BRAF: variants seen among roughly 807,000 people sequenced by gnomAD.
BRAF encodes the protein serine/threonine-protein kinase B-raf.
A neutral mutation model predicts 104.6 loss-of-function variants in BRAF; 16 were observed. The observed-to-expected ratio is 0.15, with a 90% confidence interval of 0.10 to 0.23. BRAF has a LOEUF of 0.23. Among genes scored for constraint, BRAF ranks in the 10% least tolerant of loss-of-function variants. BRAF has a pLI of 1.00. For missense variants in BRAF, 541 were observed against 937.3 expected, an observed-to-expected ratio of 0.58 and a Z score of 5.52; for synonymous variants, 310 against 341.6, an observed-to-expected ratio of 0.91 and a Z score of 1.02.
At chr7:140,728,375 C>T (rs567501836) in intron 19 of BRAF, among the ~76,000 whole-genome samples, 66 of 152,210 alleles carry the variant, frequency 4.3e-4, no homozygotes, top group African/African-American at 1.5e-3. Flanking sequence ...CTTTGTTTTC[C>T]CAATCTGAAT....
At chr7:140,900,756 G>A (rs1046311033) in intron 1 of BRAF, among the ~76,000 whole-genome samples, 2 of 152,144 alleles carry the variant, frequency 1.3e-5, no homozygotes, top group East Asian at 1.9e-4. Context: ...GATTACAGGC[G>A]TGCACCATCA....
intron 16 of BRAF, among the ~76,000 whole-genome samples, chr7:140,752,225 G>C (rs1010984648): frequency 2.0e-5 from 3 of 152,082 alleles, no homozygotes; most frequent in Non-Finnish European, 4.4e-5. Context: ...TTTAGAGATG[G>C]GGTCTCACTA....
rs367802462 is a variant in BRAF at position 140,788,939 on chromosome 7, G to A, written c.1141-1355C>T. The stretch of plus-strand genomic sequence containing the variant: ...ATATAGCTCTTTATGCGCCGGGTGC[G>A]GTGGCTCAAGCCTGTAATACCAGCA... On this transcript the variant is annotated intron_variant, in intron 8 of 19. Transcript: ENST00000644969. Among the ~76,000 whole-genome samples, 17 of 151,816 alleles carry A rather than the reference G, an allele frequency of 1.1e-4. No homozygotes were observed. In the South Asian group the frequency reaches 1.5e-3, roughly 13 times the overall value.
intron 7 of BRAF, chr7:140,799,915 G>C: frequency 4.9e-5 from 15 of 306,372 alleles, no homozygotes; most frequent in Admixed American, 9.4e-5. Context: ...TCTGTTGCAT[G>C]ATTTTTTCAG....
chr7:140,777,851 A>T, intron 13 of BRAF, 140 bp downstream of exon 12: 4 of 875,728 alleles, frequency 4.6e-6, no homozygotes, highest in African/African-American at 1.7e-5. Flanking sequence ...TAAAGACAAA[A>T]ATATACTCAG....
intron 19 of BRAF, chr7:140,732,211 A>AAAAAAAAAAAAT (rs1796033081): frequency 8.3e-6 from 1 of 119,878 alleles, no homozygotes; most frequent in Non-Finnish European, 1.6e-5. Context: ...AAAAAAAAAA[A>AAAAAAAAAAAAT]GGAAATCAAC....
intron 1 of BRAF, among the ~76,000 whole-genome samples, chr7:140,902,920 CT>C (rs111746402): frequency 0.02 from 2,525 of 125,500 alleles, 49 homozygotes; most frequent in African/African-American, 0.068. Context: ...GACAGGATGA[CT>C]TTTTTTTTTT....
chr7:140,789,211 A>G (rs947907070), intron 8 of BRAF, among the ~76,000 whole-genome samples: 18 of 146,798 alleles, frequency 1.2e-4, no homozygotes, highest in East Asian at 4.0e-4. Flanking sequence ...TCCATCACAG[A>G]AAAAAAACAA....
intron 1 of BRAF, among the ~76,000 whole-genome samples, chr7:140,919,683 T>C (rs1044909720): frequency 6.6e-6 from 1 of 152,072 alleles, no homozygotes; most frequent in African/African-American, 2.4e-5. Flanking sequence ...ATGGAACAAA[T>C]GAGGCTATAT....
chr7:140,888,823 A>G (rs1242671526), intron 1 of BRAF, among the ~76,000 whole-genome samples: 1 of 150,308 alleles, frequency 6.7e-6, no homozygotes, highest in African/African-American at 2.5e-5. Context: ...CAACAAAAGC[A>G]AAACTCCGTC....
intron 14 of BRAF, among the ~76,000 whole-genome samples, chr7:140,759,630 T>C (rs1281082789): frequency 6.6e-6 from 1 of 152,184 alleles, no homozygotes; most frequent in African/African-American, 2.4e-5. Flanking sequence ...AAGTGATCCA[T>C]CTGCCTTGGC....
chr7:140,765,801 C>T (rs1243460010), intron 14 of BRAF, among the ~76,000 whole-genome samples: 1 of 151,912 alleles, frequency 6.6e-6, no homozygotes, highest in East Asian at 1.9e-4. Context: ...CAGGAAACAA[C>T]AGGTGCTGGA....
chr7:140,734,304 T>C, intron 19 of BRAF: 2 of 1,245,658 alleles, frequency 1.6e-6, no homozygotes, highest in Non-Finnish European at 2.0e-6. Context: ...AGTTTACTAC[T>C]TAAAATAACC....
chr7:140,809,379 A>AC (rs1332331209), intron 3 of BRAF, among the ~76,000 whole-genome samples: 2 of 152,190 alleles, frequency 1.3e-5, no homozygotes, highest in Non-Finnish European at 2.9e-5. Context: ...AAACTGTATA[A>AC]CCCTTCAATC....
intron 14 of BRAF, among the ~76,000 whole-genome samples, chr7:140,759,737 G>T (rs1336387793): frequency 6.6e-6 from 1 of 152,186 alleles, no homozygotes; most frequent in Non-Finnish European, 1.5e-5. Context: ...ACCAAAGAAG[G>T]AGAGGAGGAA....
rs59987643 is a variant in BRAF, at chr7:140,732,376, C to T, written c.2401+2241G>A. On this transcript the variant is annotated intron_variant, in intron 19 of 19. Coordinates refer to ENST00000644969, the MANE Select transcript of BRAF (RefSeq NM_001374258.1). ...TTTTATTTGGAGAATATATTTAAAA[C>T]TCAGTATAAAACAAAACCCAAGAAC... 249 of 151,798 alleles carry T rather than the reference C, an allele frequency of 1.6e-3. 2 individuals carry two copies. The highest frequency in any genetic ancestry group is 5.8e-3 in the African/African-American group (241 of 41,454). 9.4% of individuals were successfully genotyped at this position (151,798 alleles called of 1,614,324 possible).
Position 140,864,631 on chromosome 7 carries a change from G to C in BRAF, c.139-14419C>G, listed in dbSNP as rs141648883. On this transcript the variant is annotated intron_variant, in intron 1 of 19. Coordinates refer to ENST00000644969, the MANE Select transcript of BRAF (RefSeq NM_001374258.1). ...AAAGAAAGAAACAGACACTGAGGTA[G>C]AAGGAAAAAATATTCAGTTAAGAAA... Among the ~76,000 whole-genome samples, 346 of 152,254 alleles carry C rather than the reference G, an allele frequency of 2.3e-3. 1 individual carries two copies. The highest frequency in any genetic ancestry group is 7.6e-3 in the African/African-American group (315 of 41,558).
At chr7:140,771,046 T>A (rs776034922) in intron 14 of BRAF, among the ~76,000 whole-genome samples, 1 of 152,056 alleles carries the variant, frequency 6.6e-6, no homozygotes, top group Non-Finnish European at 1.5e-5. Context: ...CCTTTTCAAG[T>A]AAACCTAGGA....
chr7:140,787,496 A>G, intron 9 of BRAF, 52 bp downstream of exon 9: 1 of 1,518,922 alleles, frequency 6.6e-7, no homozygotes, highest in Non-Finnish European at 9.1e-7. Context: ...ATAAGCAGCA[A>G]AGCAATTGCA....
Sources: gnomAD v4.1 joint callset for allele counts (sites outside exome capture counted in the v4.1 genomes callset) on GRCh38, gnomAD v4.1.1 for gene constraint, MANE v1.5 for transcripts, NCBI Gene and HGNC (gene_info 2026-07-23, HGNC 2026-07-21) for gene names.